ASAP2: variants seen among roughly 807,000 people sequenced by gnomAD.
ASAP2 encodes ArfGAP with SH3 domain, ankyrin repeat and PH domain 2, also known as arf-GAP with SH3 domain, ANK repeat and PH domain-containing protein 2.
Under a neutral mutation model 131.4 loss-of-function variants are expected in ASAP2, and 45 were observed. The ratio of observed to expected loss-of-function variants is 0.34; its 90% CI spans 0.27 to 0.44. The LOEUF (loss-of-function observed/expected upper bound fraction) is 0.44. Ranked by LOEUF, ASAP2 falls within the 20% of genes least tolerant of loss-of-function variation. The pLI is 1.00. For synonymous variants in ASAP2, 510 were observed against 503.0 expected (o/e 1.01, Z -0.19); for missense variants, 1,011 against 1,297.0 (o/e 0.78, Z 3.39).
chr2:9,227,870 T>C (rs1287770740), intron 1 of ASAP2, among the ~76,000 whole-genome samples: 1 of 152,274 alleles, frequency 6.6e-6, no homozygotes. Context: ...TGCATGTTAC[T>C]TTCTTTGGAA....
intron 16 of ASAP2, among the ~76,000 whole-genome samples, chr2:9,371,169 A>G (rs1313324716): frequency 2.0e-5 from 3 of 152,140 alleles, no homozygotes; most frequent in Non-Finnish European, 4.4e-5. Context: ...AAAGAAATTT[A>G]CATCCCCCAA....
At chr2:9,364,895 T>G (rs751057631) in intron 15 of ASAP2, among the ~76,000 whole-genome samples, 2 of 152,166 alleles carry the variant, frequency 1.3e-5, no homozygotes, top group Admixed American at 6.5e-5. Context: ...AGAGCTCCAT[T>G]TTTAAAAAAA....
At position 9,381,590 on chromosome 2, in the gene ASAP2, G is replaced by A. The variant is rs1214744476; in HGVS notation, c.2016+782G>A. On this transcript the variant is annotated intron_variant, in intron 20 of 27. Transcript: ENST00000281419. ...GTCTCTGCAAATGATTTAAAAACTA[G>A]CAACGCATGGTGGAGCATGCCTGTA... 2.0e-5 allele frequency among the ~76,000 whole-genome samples: 3 copies of A among 152,330 alleles called. No homozygotes were observed. In the East Asian group the frequency reaches 5.8e-4, roughly 29 times the overall value.
chr2:9,319,180 G>A (rs1239617392), intron 4 of ASAP2, among the ~76,000 whole-genome samples: 1 of 152,228 alleles, frequency 6.6e-6, no homozygotes, highest in African/African-American at 2.4e-5. Context: ...CAGCGGACAG[G>A]GCTAGAGGCG....
chr2:9,313,294 A>C (rs1669432524), intron 3 of ASAP2, among the ~76,000 whole-genome samples: 2 of 152,220 alleles, frequency 1.3e-5, no homozygotes, highest in Admixed American at 6.5e-5. Flanking sequence ...TATTATTAAC[A>C]GCACCTAAGT....
chr2:9,269,733 A>G (rs1666207926), intron 1 of ASAP2, among the ~76,000 whole-genome samples: 1 of 152,252 alleles, frequency 6.6e-6, no homozygotes, highest in Non-Finnish European at 1.5e-5. Context: ...AGAAGGTGGC[A>G]AGGCCTGAGG....
chr2:9,278,403 C>G (rs926115788), intron 1 of ASAP2, among the ~76,000 whole-genome samples: 6 of 151,722 alleles, frequency 4.0e-5, no homozygotes, highest in African/African-American at 1.2e-4. Flanking sequence ...ATCCCAGCTA[C>G]TTGGGAGGCT....
chr2:9,242,972 T>G (rs1281458738), intron 1 of ASAP2, among the ~76,000 whole-genome samples: 1 of 152,208 alleles, frequency 6.6e-6, no homozygotes, highest in Non-Finnish European at 1.5e-5. Context: ...TTGTGTGCTT[T>G]CTTTATTTTG....
chr2:9,399,899 A>G, intron 24 of ASAP2, 124 bp from the exon 25 acceptor site: 1 of 901,784 alleles, frequency 1.1e-6, no homozygotes, highest in Non-Finnish European at 1.8e-6. Flanking sequence ...CAGCTAAGTG[A>G]CAGTGGAGGA....
chr2:9,404,783 A>C lies in ASAP2; in HGVS notation c.*1456A>C, dbSNP rs564134420. On this transcript the variant is annotated 3_prime_UTR_variant, in exon 28 of 28. Transcript: ENST00000281419. Reference sequence around the variant, plus strand: ...GTACTTTTTGTTTTTGTTATAAAGGAAGACAGAACAAACTGGAATGTTTTA... The same window carrying C: ...GTACTTTTTGTTTTTGTTATAAAGGCAGACAGAACAAACTGGAATGTTTTA... 6.6e-6 allele frequency: 1 copy of C among 152,180 alleles called. No homozygotes were observed. Among genetic ancestry groups the C allele is most frequent in the Non-Finnish European group, 1.5e-5 (1 of 67,996 alleles). 9.4% of individuals were successfully genotyped at this position (152,180 alleles called of 1,614,324 possible).
rs115247947 is a variant in ASAP2, at chr2:9,338,471, T to C, written c.849+3292T>C. On this transcript the variant is annotated intron_variant, in intron 9 of 27. Coordinates refer to ENST00000281419, the MANE Select transcript of ASAP2 (RefSeq NM_003887.3). ...ACCACAGCCATAATTTTCTTCTGCC[T>C]CTGGGTTCGCGTATCTTACATGCCC... Among the ~76,000 whole-genome samples the C allele has an allele frequency of 9.8e-3, 1,493 of 152,300 alleles. 29 individuals carry two copies. The highest frequency in any genetic ancestry group is 0.034 in the African/African-American group (1,419 of 41,556).
chr2:9,259,328 C>A (rs1384500539), intron 1 of ASAP2, among the ~76,000 whole-genome samples: 7 of 152,254 alleles, frequency 4.6e-5, no homozygotes, highest in African/African-American at 1.7e-4. Flanking sequence ...CCATCCCTGC[C>A]TGTTGCTGCA....
chr2:9,273,927 G>A (rs2148277705), intron 1 of ASAP2, among the ~76,000 whole-genome samples: 1 of 152,340 alleles, frequency 6.6e-6, no homozygotes, highest in Non-Finnish European at 1.5e-5. Flanking sequence ...GGCAGGAAGA[G>A]GGGTTTATTT....
Position 9,217,866 on chromosome 2 carries a change from G to A in ASAP2, c.126+10636G>A, listed in dbSNP as rs182831748. 2.7e-4 allele frequency among the ~76,000 whole-genome samples: 41 copies of A among 151,026 alleles called. No homozygotes were observed. The South Asian group carries it at 2.7e-3, about 10-fold the overall frequency. On this transcript the variant is annotated intron_variant, in intron 1 of 27. Transcript: ENST00000281419. This position sits in a 1 kb window ranked among gnomAD's most constrained non-coding sequence, Gnocchi z 4.0. Reference sequence around the variant, plus strand: ...CCTGACCTCGTGAGGCACCCACCTCGGCTTCCCAAAGTGCTGGGATTACAG... The same window carrying A: ...CCTGACCTCGTGAGGCACCCACCTCAGCTTCCCAAAGTGCTGGGATTACAG...
chr2:9,256,252 G>A (rs1454166761), intron 1 of ASAP2, among the ~76,000 whole-genome samples: 1 of 151,888 alleles, frequency 6.6e-6, no homozygotes, highest in Non-Finnish European at 1.5e-5. Flanking sequence ...CCATGTGCCA[G>A]CTTGGGGTGA....
intron 9 of ASAP2, among the ~76,000 whole-genome samples, chr2:9,342,076 T>C (rs1198763388): frequency 6.9e-6 from 1 of 145,198 alleles, no homozygotes; most frequent in African/African-American, 2.6e-5. Flanking sequence ...ATTGTGAAGA[T>C]AACAGTACTC....
chr2:9,399,742 TGCCCAGC>T (rs929724955), intron 24 of ASAP2: 1 of 496,030 alleles, frequency 2.0e-6, no homozygotes, highest in Non-Finnish European at 3.6e-6. Context: ...CAGTGGCCAG[TGCCCAGC>T]ATCACTCCAG....
intron 27 of ASAP2, among the ~76,000 whole-genome samples, chr2:9,402,399 G>A (rs1676804997): frequency 6.6e-6 from 1 of 152,196 alleles, no homozygotes; most frequent in Non-Finnish European, 1.5e-5. Context: ...GGAGGCCGAG[G>A]CAGGCGGAAC....
chr2:9,401,152 T>C (rs1676629291), intron 26 of ASAP2, 122 bp from the exon 27 acceptor site: 4 of 1,278,512 alleles, frequency 3.1e-6, no homozygotes, highest in Non-Finnish European at 4.4e-6. Context: ...CCTTGGCATC[T>C]GCAGGCTTCT....
Sources: allele counts gnomAD v4.1 joint callset (sites outside exome capture counted in the v4.1 genomes callset), GRCh38; gene constraint gnomAD v4.1.1; non-coding constraint Gnocchi (gnomAD v3.1); transcripts MANE v1.5; gene names NCBI Gene and HGNC (gene_info 2026-07-23, HGNC 2026-07-21).